POLDIP3: variants seen among roughly 807,000 people sequenced by gnomAD.
POLDIP3 encodes the protein DNA polymerase delta interacting protein 3.
POLDIP3 carries 14 observed loss-of-function variants against 45.1 expected under a neutral mutation model. That is an observed-to-expected ratio of 0.31 (90% CI 0.20 to 0.49). The LOEUF (loss-of-function observed/expected upper bound fraction) is 0.49. Ranked by LOEUF, POLDIP3 falls within the 20% of genes least tolerant of loss-of-function variation. POLDIP3 has a pLI of 0.99. For missense variants in POLDIP3, 511 were observed against 538.8 expected (o/e 0.95, Z 0.51); for synonymous variants, 223 against 205.2 (o/e 1.09, Z -0.74).
At chr22:42,608,266 A>C (rs1926899747) in intron 1 of POLDIP3, among the ~76,000 whole-genome samples, 5 of 127,002 alleles carry the variant, frequency 3.9e-5, no homozygotes, top group African/African-American at 1.6e-4. Flanking sequence ...CCCCCCCCCA[A>C]AAAAAAATTA....
At chr22:42,598,652 G>A (rs1926153421) in intron 4 of POLDIP3, among the ~76,000 whole-genome samples, 6 of 152,128 alleles carry the variant, frequency 3.9e-5, no homozygotes, top group Admixed American at 3.9e-4. Context: ...CCAAAGTGTT[G>A]AGATTACAGG....
intron 8 of POLDIP3, among the ~76,000 whole-genome samples, chr22:42,586,648 A>G (rs1003587375): frequency 8.5e-5 from 13 of 152,230 alleles, no homozygotes; most frequent in African/African-American, 2.9e-4. Context: ...ACCCTAAGAA[A>G]TATTTCTTAT....
At chr22:42,597,412 G>A (rs1569299293) in intron 4 of POLDIP3, among the ~76,000 whole-genome samples, 1 of 152,182 alleles carries the variant, frequency 6.6e-6, no homozygotes. Flanking sequence ...CATTCCTCAT[G>A]TGGAATTCTG....
At chr22:42,594,806 A>C (rs1396475498) in intron 6 of POLDIP3, among the ~76,000 whole-genome samples, 2 of 152,224 alleles carry the variant, frequency 1.3e-5, no homozygotes, top group Non-Finnish European at 2.9e-5. Flanking sequence ...GGATACCACC[A>C]ATCCATCTCA....
In POLDIP3 at chr22:42,584,930, C is replaced by G; in HGVS notation, c.*861G>C. On this transcript the variant is annotated 3_prime_UTR_variant, in exon 9 of 9. Transcript: ENST00000252115. ...AGCACTGCACAATGGGAGGCTGAGC[C>G]TTTCAAAGGCCCAACCAGAAGAGAG... is the stretch of plus-strand genomic sequence containing the variant. 1 of 456,254 alleles carries G rather than the reference C, an allele frequency of 2.2e-6. No individual in the cohort carries two copies. Among genetic ancestry groups the G allele is most frequent in the Non-Finnish European group, 4.4e-6 (1 of 226,962 alleles). The allele number at this position is 456,254 out of a possible 1,614,324, so 28.3% of individuals were successfully genotyped here.
At position 42,584,209 on chromosome 22, in the gene POLDIP3, C is replaced by A. The variant is rs41276341; in HGVS notation, c.*1582G>T. The stretch of plus-strand genomic sequence containing the variant: ...GGGAGGAATGTCTTCCAGCTGCTAA[C>A]GAGAAGTCTGCACCCACTTGAAAGG... On this transcript the variant is annotated 3_prime_UTR_variant, in exon 9 of 9. Transcript: ENST00000252115. 1 of 152,768 alleles carries A rather than the reference C, an allele frequency of 6.5e-6. No homozygotes were observed. Among genetic ancestry groups the A allele is most frequent in the African/African-American group, 2.4e-5 (1 of 41,436 alleles). 9.5% of individuals were successfully genotyped at this position (152,768 alleles called of 1,614,324 possible).
At chr22:42,608,109 C>T (rs528521824) in intron 1 of POLDIP3, among the ~76,000 whole-genome samples, 3 of 152,214 alleles carry the variant, frequency 2.0e-5, no homozygotes, top group South Asian at 4.1e-4. Flanking sequence ...GCGGTTTTGT[C>T]GAATAGAAAA....
intron 3 of POLDIP3, among the ~76,000 whole-genome samples, chr22:42,601,194 T>C (rs780643938): frequency 6.6e-6 from 1 of 151,868 alleles, no homozygotes; most frequent in Non-Finnish European, 1.5e-5. Flanking sequence ...AAGTTTTCTA[T>C]ATTAAGCACA....
At chr22:42,606,607 A>G (rs1926745695) in intron 1 of POLDIP3, among the ~76,000 whole-genome samples, 1 of 152,198 alleles carries the variant, frequency 6.6e-6, no homozygotes, top group Non-Finnish European at 1.5e-5. Context: ...TGGACAACAG[A>G]GCAAGACCCT....
intron 2 of POLDIP3, among the ~76,000 whole-genome samples, chr22:42,602,502 CTCTT>C (rs1260629444): frequency 6.6e-6 from 1 of 152,222 alleles, no homozygotes; most frequent in Non-Finnish European, 1.5e-5. Flanking sequence ...CCTTTCCTCT[CTCTT>C]TCTTCCACCA....
At chr22:42,600,799 G>A (rs936897040) in intron 3 of POLDIP3, among the ~76,000 whole-genome samples, 35 of 151,962 alleles carry the variant, frequency 2.3e-4, no homozygotes, top group African/African-American at 7.7e-4. Flanking sequence ...GAGAAACACC[G>A]TCTCTACTAA....
Position 42,585,094 on chromosome 22 carries a change from G to A in POLDIP3, c.*697C>T. On this transcript the variant is annotated 3_prime_UTR_variant, in exon 9 of 9. Coordinates refer to ENST00000252115, the MANE Select transcript of POLDIP3 (RefSeq NM_032311.5). ...GGTGGGGCATTCAGCACAACTCAAG[G>A]AAAAGGGAAAGGTGAACTCTGGAGA... 2.3e-6 allele frequency: 1 copy of A among 441,636 alleles called. No individual in the cohort carries two copies. The highest frequency in any genetic ancestry group is 4.5e-6 in the Non-Finnish European group (1 of 220,572). 27.4% of individuals were successfully genotyped at this position (441,636 alleles called of 1,614,324 possible).
In POLDIP3 at chr22:42,596,208, G is replaced by C. The variant is rs376519401; in HGVS notation, c.791C>G (p.Pro264Arg). Residue 264 changes from proline (P) to arginine (R), a missense_variant, in exon 5 of 9, where the codon CCC (proline) becomes CGC (arginine). Pro to Arg is a moderately radical substitution (Grantham distance 103). Transcript: ENST00000252115. ...SRTLVNKEEPPKELPAAEPVL... is the reference protein window; with the variant it reads ...SRTLVNKEEPRKELPAAEPVL... ...CACCTCAGCAGCTGGCAGCTCTTTG[G>C]GGGGTTCTTCCTTGTTCACCAGTGT... 267 of 1,614,140 alleles carry C rather than the reference G, an allele frequency of 1.7e-4. 3 individuals carry two copies. In the South Asian group the frequency reaches 2.6e-3, roughly 16 times the overall value.
intron 5 of POLDIP3, 108 bp downstream of exon 5, chr22:42,596,078 G>C (rs1601890574): frequency 1.6e-6 from 2 of 1,238,572 alleles, no homozygotes; most frequent in Non-Finnish European, 2.3e-6. Context: ...CTGTAGAATG[G>C]GGGTGGCAAT....
intron 1 of POLDIP3, among the ~76,000 whole-genome samples, chr22:42,607,022 T>A (rs1440557341): frequency 1.3e-5 from 2 of 152,192 alleles, no homozygotes; most frequent in Admixed American, 6.5e-5. Context: ...CCCAACACTT[T>A]GGGAGGCCAA....
chr22:42,595,727 G>C (rs1925943762), intron 5 of POLDIP3, 113 bp from the exon 6 acceptor site: 7 of 936,228 alleles, frequency 7.5e-6, no homozygotes, highest in Non-Finnish European at 8.5e-6. Context: ...TCCATGGAGA[G>C]TTACCACAAA....
chr22:42,597,251 T>C (rs995224359), intron 4 of POLDIP3, among the ~76,000 whole-genome samples: 2 of 152,172 alleles, frequency 1.3e-5, no homozygotes, highest in African/African-American at 4.8e-5. Flanking sequence ...GGGGCCCTGC[T>C]GATTTAGGGC....
chr22:42,598,073 G>C (rs1271088566), intron 4 of POLDIP3, among the ~76,000 whole-genome samples: 1 of 144,188 alleles, frequency 6.9e-6, no homozygotes, highest in Non-Finnish European at 1.5e-5. Flanking sequence ...CCACCACGCC[G>C]AGCCAGCTTC....
chr22:42,592,656 A>T (rs891629685), intron 6 of POLDIP3, among the ~76,000 whole-genome samples: 5 of 152,222 alleles, frequency 3.3e-5, no homozygotes, highest in African/African-American at 4.8e-5. Context: ...ACGTCTAGCA[A>T]ATTACTTAAC....
Sources: gnomAD v4.1 joint callset for allele counts (sites outside exome capture counted in the v4.1 genomes callset) on GRCh38, gnomAD v4.1.1 for gene constraint, MANE v1.5 for transcripts, NCBI Gene and HGNC (gene_info 2026-07-23, HGNC 2026-07-21) for gene names.